IGF2BP2: variants seen among roughly 807,000 people sequenced by gnomAD.
IGF2BP2 encodes the protein insulin like growth factor 2 mRNA binding protein 2.
A neutral mutation model predicts 75.8 loss-of-function variants in IGF2BP2; 17 were observed. The observed-to-expected ratio is 0.22, with a 90% confidence interval of 0.15 to 0.34. The LOEUF is 0.34. IGF2BP2 is among the 10% of genes least tolerant of loss of function. The probability of loss-of-function intolerance (pLI) is 1.00; values close to 1 mark genes in which losing one functional copy is unlikely to be tolerated. For synonymous variants in IGF2BP2, 288 were observed against 295.6 expected (o/e 0.97, Z 0.26); for missense variants, 516 against 772.4 (o/e 0.67, Z 3.93).
chr3:185,648,821 C>T (rs138623122), intron 14 of IGF2BP2, among the ~76,000 whole-genome samples: 5 of 152,324 alleles, frequency 3.3e-5, no homozygotes, highest in Non-Finnish European at 7.4e-5. Context: ...CCTTGCCCAC[C>T]CTCCTACTGC....
intron 2 of IGF2BP2, among the ~76,000 whole-genome samples, chr3:185,788,348 T>TA (rs1367689549): frequency 6.6e-6 from 1 of 152,018 alleles, no homozygotes; most frequent in East Asian, 1.9e-4. Flanking sequence ...AGGGAGACTT[T>TA]GTCTCTATAA....
Position 185,644,707 on chromosome 3 carries a change from G to T in IGF2BP2, c.*824C>A, listed in dbSNP as rs1713225530. The T allele has an allele frequency of 1.3e-5, 2 of 152,246 alleles. No individual in the cohort carries two copies. The highest frequency in any genetic ancestry group is 4.8e-5 in the African/African-American group (2 of 41,308). The allele number at this position is 152,246 out of a possible 1,614,324, so 9.4% of individuals were successfully genotyped here. On this transcript the variant is annotated 3_prime_UTR_variant, in exon 16 of 16. Coordinates refer to ENST00000382199, the MANE Select transcript of IGF2BP2 (RefSeq NM_006548.6). ...GGAGAGATAAACAGAGAGAGACAGA[G>T]AATTATATAGCAGTATGCAAAAAAC...
chr3:185,734,797 A>G (rs1487645793), intron 2 of IGF2BP2, among the ~76,000 whole-genome samples: 1 of 152,204 alleles, frequency 6.6e-6, no homozygotes, highest in East Asian at 1.9e-4. Flanking sequence ...CAGAAACACT[A>G]GAGTATAGAG....
chr3:185,732,241 T>C (rs900433345), intron 2 of IGF2BP2, among the ~76,000 whole-genome samples: 1 of 152,198 alleles, frequency 6.6e-6, no homozygotes, highest in African/African-American at 2.4e-5. Flanking sequence ...GCTAGAATTT[T>C]TTCTTAATCC....
chr3:185,714,056 A>G lies in IGF2BP2; in HGVS notation c.240-15709T>C, dbSNP rs560863336. 3.9e-5 allele frequency among the ~76,000 whole-genome samples: 6 copies of G among 152,332 alleles called. No homozygotes were observed. The East Asian group carries it at 1.2e-3, about 29-fold the overall frequency. Reference sequence around the variant, plus strand: ...AAAATGTACCAAAGAATAGAATAGAAAAATTCTCTCTTCTACATCTATACT... The same window carrying G: ...AAAATGTACCAAAGAATAGAATAGAGAAATTCTCTCTTCTACATCTATACT... On this transcript the variant is annotated intron_variant, in intron 2 of 15. Coordinates refer to ENST00000382199, the MANE Select transcript of IGF2BP2 (RefSeq NM_006548.6).
chr3:185,710,152 A>ATTTTTTT (rs567527407), intron 2 of IGF2BP2, among the ~76,000 whole-genome samples: 5 of 117,538 alleles, frequency 4.3e-5, no homozygotes, highest in Non-Finnish European at 8.7e-5. Context: ...GTAGTTTTAG[A>ATTTTTTT]TTTTTTTTTT....
chr3:185,800,837 A>G (rs1738144516), intron 2 of IGF2BP2, among the ~76,000 whole-genome samples: 1 of 152,230 alleles, frequency 6.6e-6, no homozygotes, highest in South Asian at 2.1e-4. Context: ...ACCAAAAGCA[A>G]TCGTAACAAA....
At chr3:185,712,450 C>T (rs1467247669) in intron 2 of IGF2BP2, 3 of 152,094 alleles carry the variant, frequency 2.0e-5, no homozygotes, top group Non-Finnish European at 2.9e-5. Flanking sequence ...TTTATTGTTA[C>T]CAAAGGCTGC....
chr3:185,800,248 C>T (rs115628530), intron 2 of IGF2BP2, among the ~76,000 whole-genome samples: 236 of 151,958 alleles, frequency 1.6e-3, no homozygotes, highest in African/African-American at 5.5e-3. Flanking sequence ...GGACACAAAG[C>T]GGGGAACGTC....
intron 2 of IGF2BP2, among the ~76,000 whole-genome samples, chr3:185,770,262 A>G (rs1733700089): frequency 6.6e-6 from 1 of 152,202 alleles, no homozygotes; most frequent in African/African-American, 2.4e-5. Context: ...CCACATAGTT[A>G]GGACTCAGGA....
chr3:185,741,224 C>T (rs1036176862), intron 2 of IGF2BP2, among the ~76,000 whole-genome samples: 1 of 152,100 alleles, frequency 6.6e-6, no homozygotes, highest in African/African-American at 2.4e-5. Context: ...GGGTAAAATA[C>T]TCCAATAGCA....
At chr3:185,786,872 T>C (rs758115662) in intron 2 of IGF2BP2, among the ~76,000 whole-genome samples, 5 of 152,204 alleles carry the variant, frequency 3.3e-5, no homozygotes, top group Non-Finnish European at 7.3e-5. Context: ...GGATAATAAA[T>C]GTATTTTAGG....
intron 3 of IGF2BP2, 92 bp from the exon 4 acceptor site, chr3:185,696,755 GA>G (rs1287670175): frequency 1.2e-5 from 12 of 1,004,590 alleles, no homozygotes; most frequent in Admixed American, 4.0e-5. Context: ...CAAATTAAAG[GA>G]AAAAAAAGAT....
chr3:185,807,101 A>G lies in IGF2BP2; in HGVS notation c.239+16052T>C, dbSNP rs78287418. Reference sequence around the variant, plus strand: ...AAAAGGACTTTTGCTGCTGGCAGAAAAGTAACAAACAACTTTATTGATACT... The same window carrying G: ...AAAAGGACTTTTGCTGCTGGCAGAAGAGTAACAAACAACTTTATTGATACT... On this transcript the variant is annotated intron_variant, in intron 2 of 15. Transcript: ENST00000382199. Among the ~76,000 whole-genome samples the G allele has an allele frequency of 4.5e-3, 688 of 152,312 alleles. 6 individuals carry two copies. Among genetic ancestry groups the G allele is most frequent in the African/African-American group, 0.016 (664 of 41,572 alleles).
At chr3:185,813,697 C>T (rs1740218499) in intron 2 of IGF2BP2, among the ~76,000 whole-genome samples, 1 of 152,244 alleles carries the variant, frequency 6.6e-6, no homozygotes, top group African/African-American at 2.4e-5. Context: ...CATCGAAGCT[C>T]ATGTGTCTGC....
chr3:185,769,358 A>T (rs985313980), intron 2 of IGF2BP2, among the ~76,000 whole-genome samples: 3 of 151,948 alleles, frequency 2.0e-5, no homozygotes, highest in African/African-American at 7.3e-5. Flanking sequence ...CTGTCTCCAA[A>T]TTTTTTTTAA....
intron 13 of IGF2BP2, among the ~76,000 whole-genome samples, chr3:185,650,331 TACTTA>T (rs1306253410): frequency 6.6e-6 from 1 of 152,074 alleles, no homozygotes; most frequent in African/African-American, 2.4e-5. Flanking sequence ...TTTTTTTCTT[TACTTA>T]AAATACTGAG....
rs1424697646 is a variant in IGF2BP2, at chr3:185,824,808, G to A, written c.153C>T (p.Ala51=). 10 of 1,453,096 alleles carry A rather than the reference G, an allele frequency of 6.9e-6. No homozygotes were observed. Among genetic ancestry groups the A allele is most frequent in the Non-Finnish European group, 9.2e-6 (10 of 1,088,026 alleles). 90.0% of individuals were successfully genotyped at this position (1,453,096 alleles called of 1,614,324 possible). ...AFVDYPDQNW[A]IRAIETLSGK... ...CCGAGAGGGTCTCGATGGCGCGGAT[G>A]GCCCAGTTCTGGTCGGGGTAGTCCA... Residue 51 remains alanine, a synonymous_variant, in exon 1 of 16, where the codon GCC becomes GCT. Coordinates refer to ENST00000382199, the MANE Select transcript of IGF2BP2 (RefSeq NM_006548.6).
intron 6 of IGF2BP2, among the ~76,000 whole-genome samples, chr3:185,687,561 C>T (rs1399642105): frequency 6.6e-6 from 1 of 152,176 alleles, no homozygotes; most frequent in Non-Finnish European, 1.5e-5. Context: ...GGCACAGTGC[C>T]GGTCTCTGAA....
Sources: allele counts gnomAD v4.1 joint callset (sites outside exome capture counted in the v4.1 genomes callset), GRCh38; gene constraint gnomAD v4.1.1; transcripts MANE v1.5; gene names NCBI Gene and HGNC (gene_info 2026-07-23, HGNC 2026-07-21).